The following TMEM223 variants were observed in gnomAD, a reference collection of about 807,000 sequenced individuals.
TMEM223 encodes the protein transmembrane protein 223.
A neutral mutation model predicts 14.1 loss-of-function variants in TMEM223; 14 were observed. The ratio of observed to expected loss-of-function variants is 0.99; its 90% CI spans 0.66 to 1.55. The LOEUF (loss-of-function observed/expected upper bound fraction) is 1.55, where lower values mean the gene tolerates loss of function less well. TMEM223 is among the 40% of genes most tolerant of loss of function. The probability of loss-of-function intolerance (pLI) is 0.00; values close to 1 mark genes in which losing one functional copy is unlikely to be tolerated. For missense variants in TMEM223, 346 were observed against 269.9 expected (o/e 1.28, Z -1.97); for synonymous variants, 145 against 120.5 (o/e 1.20, Z -1.33).
downstream of TMEM223, chr11:62,789,065 C>T: frequency 6.2e-7 from 1 of 1,614,182 alleles, no homozygotes; most frequent in Non-Finnish European, 8.5e-7. Context: ...TGTGGCCACC[C>T]TGAATGGCTC....
rs776945206 is a variant in TMEM223, at chr11:62,775,766, C to G, written c.315-1101G>C. 12 of 1,598,462 alleles carry G rather than the reference C, an allele frequency of 7.5e-6. No homozygotes were observed. The Middle Eastern group carries it at 7.2e-4, about 96-fold the overall frequency. Reference sequence around the variant, plus strand: ...GCTTTTCCAGTCTTCATTCTCCACTCCCAGCTCCACTGGGGCCATGTCAGA... The same window carrying G: ...GCTTTTCCAGTCTTCATTCTCCACTGCCAGCTCCACTGGGGCCATGTCAGA... On this transcript the variant is annotated intron_variant, in intron 1 of 2. Coordinates refer to the TMEM223 transcript ENST00000528367.
chr11:62,779,976 A>ATATATATATATTTTTTTTTTTT (rs1294367864), intron 1 of TMEM223, among the ~76,000 whole-genome samples: 15 of 52,622 alleles, frequency 2.9e-4, no homozygotes, highest in Non-Finnish European at 4.7e-4. Context: ...ATATATATAT[A>ATATATATATATTTTTTTTTTTT]TTTTTTTTTT....
rs917573603 is a variant in TMEM223 at position 62,789,994 on chromosome 11, G to A, written c.*629C>T. 3 of 1,614,028 alleles carry A rather than the reference G, an allele frequency of 1.9e-6. No homozygotes were observed. The highest frequency in any genetic ancestry group is 2.5e-6 in the Non-Finnish European group (3 of 1,180,016). Reference sequence around the variant, plus strand: ...CCGGCCTCTGGAGAGGGGTGACCCTGAGTGGAGCTCTGAGACAGATGCTCT... The same window carrying A: ...CCGGCCTCTGGAGAGGGGTGACCCTAAGTGGAGCTCTGAGACAGATGCTCT... On this transcript the variant is annotated 3_prime_UTR_variant, in exon 2 of 2. Transcript: ENST00000307366.
At chr11:62,779,435 T>C (rs1374666474) in intron 1 of TMEM223, among the ~76,000 whole-genome samples, 1 of 152,024 alleles carries the variant, frequency 6.6e-6, no homozygotes, top group Non-Finnish European at 1.5e-5. Context: ...GACCTTGTGA[T>C]CCACCTGCCT....
downstream of TMEM223, among the ~76,000 whole-genome samples, chr11:62,785,135 G>A (rs549326270): frequency 1.3e-5 from 2 of 151,410 alleles, no homozygotes; most frequent in Admixed American, 1.3e-4. Context: ...ACTGCACCTC[G>A]CCTATCTTTT....
chr11:62,788,496 A>T (rs182928588), downstream of TMEM223, among the ~76,000 whole-genome samples: 33 of 152,264 alleles, frequency 2.2e-4, no homozygotes, highest in East Asian at 6.4e-3. Flanking sequence ...CGAGGTCAGG[A>T]GATCAAGACC....
downstream of TMEM223, chr11:62,789,105 C>A: frequency 6.2e-7 from 1 of 1,614,228 alleles, no homozygotes; most frequent in Non-Finnish European, 8.5e-7. Flanking sequence ...CCCTCAGCAC[C>A]ATCCCTGTGC....
intron 1 of TMEM223, among the ~76,000 whole-genome samples, chr11:62,779,536 G>C (rs1354946388): frequency 6.6e-6 from 1 of 151,996 alleles, no homozygotes; most frequent in Non-Finnish European, 1.5e-5. Context: ...ATGTTGGTCA[G>C]ACTGGTCTCG....
chr11:62,775,813 G>A, intron 1 of TMEM223: 1 of 1,612,114 alleles, frequency 6.2e-7, no homozygotes, highest in Non-Finnish European at 8.5e-7. Flanking sequence ...GGCGGTTTGT[G>A]GAGATCCCTC....
intron 1 of TMEM223, chr11:62,778,420 G>A: frequency 1.3e-6 from 2 of 1,500,510 alleles, no homozygotes; most frequent in Non-Finnish European, 1.8e-6. Context: ...CCCCGAGTCT[G>A]CGTCTAACAT....
At chr11:62,785,242 A>C (rs895164985), downstream of TMEM223, among the ~76,000 whole-genome samples, 107 of 149,014 alleles carry the variant, frequency 7.2e-4, no homozygotes, top group African/African-American at 2.5e-3. Flanking sequence ...CCCAGGCTGG[A>C]GTGCAATGGC....
downstream of TMEM223, chr11:62,771,159 G>A (rs1220050540): frequency 6.6e-6 from 1 of 151,944 alleles, no homozygotes. Flanking sequence ...CTATTGTGGT[G>A]GTAAAAAAAA....
chr11:62,779,909 AC>A (rs2084214451), intron 1 of TMEM223, among the ~76,000 whole-genome samples: 1 of 129,900 alleles, frequency 7.7e-6, no homozygotes, highest in African/African-American at 2.9e-5. Context: ...CAGGTGATCC[AC>A]CCGCCTCTGC....
At position 62,790,140 on chromosome 11, in the gene TMEM223, G is replaced by C; in HGVS notation, c.*483C>G. 2 of 927,018 alleles carry C rather than the reference G, an allele frequency of 2.2e-6. No homozygotes were observed. The highest frequency in any genetic ancestry group is 3.0e-6 in the Non-Finnish European group (2 of 659,798). 57.4% of individuals were successfully genotyped at this position (927,018 alleles called of 1,614,324 possible). A position where few individuals can be genotyped will look rare whatever the true frequency, so the allele number is the denominator to read the frequency against. ...GGCCCTGTTTATGTTGGGAGTCTTA[G>C]TTTTCCTTTCGTTGGGGGGTGGGGG... is the stretch of plus-strand genomic sequence containing the variant. On this transcript the variant is annotated 3_prime_UTR_variant, in exon 2 of 2. Coordinates refer to ENST00000307366, the MANE Select transcript of TMEM223 (RefSeq NM_001080501.3).
chr11:62,791,252 A>C (rs1401533613), intron 1 of TMEM223, among the ~76,000 whole-genome samples: 1 of 151,590 alleles, frequency 6.6e-6, no homozygotes, highest in Non-Finnish European at 1.5e-5. Context: ...CGGAGACATC[A>C]CTGTTTCCCA....
At chr11:62,784,328 G>A (rs1383218325), downstream of TMEM223, among the ~76,000 whole-genome samples, 79 of 123,260 alleles carry the variant, frequency 6.4e-4, no homozygotes, top group African/African-American at 2.4e-3. Flanking sequence ...TTTTTGAGAC[G>A]GAGTCTCGCT....
downstream of TMEM223, among the ~76,000 whole-genome samples, chr11:62,784,662 C>T (rs1410254125): frequency 1.3e-5 from 2 of 152,124 alleles, no homozygotes; most frequent in African/African-American, 4.8e-5. Flanking sequence ...GGTTTTTCTG[C>T]ATCTTTTGAA....
At chr11:62,786,059 CCTTAT>C (rs1252884430), downstream of TMEM223, 9 of 610,544 alleles carry the variant, frequency 1.5e-5, no homozygotes, top group African/African-American at 1.3e-4. Flanking sequence ...TCCCTTTGTA[CCTTAT>C]CTTTATTCCC....
chr11:62,789,225 C>A (rs371596600), downstream of TMEM223: 43 of 1,613,870 alleles, frequency 2.7e-5, no homozygotes, highest in Non-Finnish European at 3.4e-5. Flanking sequence ...CTGCCTAACC[C>A]TGAGGGCCAG....
Sources: allele counts gnomAD v4.1 joint callset (sites outside exome capture counted in the v4.1 genomes callset), GRCh38; gene constraint gnomAD v4.1.1; transcripts MANE v1.5; gene names NCBI Gene and HGNC (gene_info 2026-07-23, HGNC 2026-07-21).